CASD1: variants seen among roughly 807,000 people sequenced by gnomAD.
CASD1 encodes the protein N-acetylneuraminate (7)9-O-acetyltransferase.
Under a neutral mutation model 100.0 loss-of-function variants are expected in CASD1, and 41 were observed. The observed-to-expected ratio is 0.41, with a 90% CI of 0.32 to 0.53. The LOEUF is 0.53. Ranked by LOEUF, CASD1 falls within the 20% of genes least tolerant of loss-of-function variation. The pLI is 0.25. For synonymous variants in CASD1, 321 were observed against 315.6 expected (o/e 1.02, Z -0.18); for missense variants, 774 against 948.7 (o/e 0.82, Z 2.42).
At chr7:94,585,602 G>A in the CASD1 span, 1 of 855,514 alleles carries the variant, frequency 1.2e-6, no homozygotes, top group Non-Finnish European at 2.0e-6. Context: ...ATGGCAAGGA[G>A]AAAGTTTCCA....
At chr7:94,539,419 A>G (rs1795275222) in intron 10 of CASD1, among the ~76,000 whole-genome samples, 1 of 152,174 alleles carries the variant, frequency 6.6e-6, no homozygotes, top group Non-Finnish European at 1.5e-5. Flanking sequence ...CTGTAATCCT[A>G]GCACTTTCGG....
the CASD1 span, chr7:94,585,453 T>C: frequency 6.4e-7 from 1 of 1,560,506 alleles, no homozygotes; most frequent in South Asian, 1.1e-5. Flanking sequence ...ATGTAACTGC[T>C]ATATTGTCTG....
At position 94,537,762 on chromosome 7, in the gene CASD1, G is replaced by A. The variant is rs1216030886; in HGVS notation, c.1134G>A (p.Met378Ile). ...CTTTCTGCAAACTTGGCCTGATTAT[G>A]GCATATTTCTATATGTGTGACCGTG... ...LQSFCKLGLI[M>I]AYFYMCDRAN... The change falls in exon 9 of 18, where the codon ATG becomes ATA. Residue 378 changes from methionine (M) to isoleucine (I), a missense_variant. By Grantham distance (10) the Met-to-Ile change is conservative. Transcript: ENST00000297273. 1.2e-6 allele frequency: 2 copies of A among 1,613,482 alleles called. No individual in the cohort carries two copies. Among genetic ancestry groups the A allele is most frequent in the Non-Finnish European group, 1.7e-6 (2 of 1,179,814 alleles).
In CASD1 at chr7:94,510,011, G is replaced by A. The variant is rs1041911597; in HGVS notation, c.-74G>A. ...CCGCTCCTCGCCTGGCTGCAGCGGCGGCAGCCCCAGTGCTGCCCCTGTGCG... is the reference window on the plus strand; with the variant it reads ...CCGCTCCTCGCCTGGCTGCAGCGGCAGCAGCCCCAGTGCTGCCCCTGTGCG... On this transcript the variant is annotated 5_prime_UTR_variant, in exon 1 of 18. Transcript: ENST00000297273. 3.0e-4 allele frequency: 399 copies of A among 1,310,046 alleles called. No homozygotes were observed. The highest frequency in any genetic ancestry group is 3.8e-4 in the Non-Finnish European group (387 of 1,015,816). The allele number at this position is 1,310,046 out of a possible 1,614,324, so 81.2% of individuals were successfully genotyped here. A position where few individuals can be genotyped will look rare whatever the true frequency, so the allele number is the denominator to read the frequency against.
the CASD1 span, chr7:94,588,614 T>C: frequency 1.9e-6 from 3 of 1,554,624 alleles, no homozygotes; most frequent in Admixed American, 5.1e-5. Context: ...GCTTCATAAA[T>C]TATATAGTGC....
the CASD1 span, chr7:94,603,367 G>T: frequency 1.2e-6 from 2 of 1,612,428 alleles, no homozygotes; most frequent in African/African-American, 2.7e-5. Context: ...TCCATTTCTT[G>T]ACTACATCTC....
the CASD1 span, chr7:94,587,387 C>G: frequency 2.7e-6 from 3 of 1,092,602 alleles, no homozygotes; most frequent in South Asian, 1.3e-4. Flanking sequence ...TTGCCTGCTT[C>G]CTACTCACTC....
the CASD1 span, among the ~76,000 whole-genome samples, chr7:94,632,265 C>T: frequency 6.6e-6 from 1 of 151,926 alleles, no homozygotes; most frequent in African/African-American, 2.4e-5. Context: ...CTCCACAGGT[C>T]CTGAAGTGGA....
chr7:94,532,948 T>A (rs796384043), intron 5 of CASD1, among the ~76,000 whole-genome samples: 6 of 152,292 alleles, frequency 3.9e-5, no homozygotes, highest in African/African-American at 1.4e-4. Flanking sequence ...GTGCTTTTTT[T>A]TAAGAACACC....
At chr7:94,525,801 A>G (rs1406124508) in intron 3 of CASD1, among the ~76,000 whole-genome samples, 2 of 152,228 alleles carry the variant, frequency 1.3e-5, no homozygotes, top group African/African-American at 4.8e-5. Flanking sequence ...AAGAATCTAA[A>G]AAGTTAACCT....
intron 5 of CASD1, among the ~76,000 whole-genome samples, chr7:94,531,221 A>G (rs1010174273): frequency 6.6e-6 from 1 of 152,066 alleles, no homozygotes; most frequent in African/African-American, 2.4e-5. Context: ...GACAAGATTG[A>G]TACTATGAGA....
the CASD1 span, chr7:94,629,632 G>T: frequency 3.4e-6 from 4 of 1,172,914 alleles, 1 homozygote; most frequent in Non-Finnish European, 5.1e-6. Context: ...TAATGTTAAT[G>T]ATATTTTATC....
chr7:94,594,470 A>G, the CASD1 span: 2 of 152,110 alleles, frequency 1.3e-5, no homozygotes, highest in Non-Finnish European at 2.9e-5. Flanking sequence ...GTCATGGGAC[A>G]CAAGAAAGGT....
At chr7:94,521,162 G>A (rs965696925) in intron 3 of CASD1, among the ~76,000 whole-genome samples, 1 of 152,074 alleles carries the variant, frequency 6.6e-6, no homozygotes, top group Non-Finnish European at 1.5e-5. Context: ...TATACCTGGG[G>A]TTAAAATTTC....
the CASD1 span, among the ~76,000 whole-genome samples, chr7:94,564,131 T>C: frequency 4.8e-3 from 724 of 152,312 alleles, 6 homozygotes; most frequent in African/African-American, 0.016. Context: ...GTCTCTTTCA[T>C]GTGAATGCAC....
At chr7:94,607,706 C>T in the CASD1 span, among the ~76,000 whole-genome samples, 7 of 152,262 alleles carry the variant, frequency 4.6e-5, no homozygotes, top group South Asian at 1.4e-3. Flanking sequence ...AGTTTTCCTA[C>T]TAGTATCAGG....
In CASD1 at chr7:94,533,819, GA is replaced by G; in HGVS notation, c.628+23del. 2.6e-6 allele frequency: 4 copies of G among 1,525,490 alleles called. No individual in the cohort carries two copies. The highest frequency in any genetic ancestry group is 2.6e-5 in the South Asian group (2 of 75,608). 94.5% of individuals were successfully genotyped at this position (1,525,490 alleles called of 1,614,324 possible). On this transcript the variant is annotated intron_variant, in intron 7 of 17. Transcript: ENST00000297273. ...TCTTACAAGGTAAGGAATGAGTAAT[GA>G]AAAAATGTCACTTTGTGTATATTTT...
At chr7:94,565,773 A>C in the CASD1 span, among the ~76,000 whole-genome samples, 1 of 152,128 alleles carries the variant, frequency 6.6e-6, no homozygotes, top group Non-Finnish European at 1.5e-5. Flanking sequence ...ACATTCTCAG[A>C]CCATTCCAGG....
At chr7:94,554,689 T>C in intron 17 of CASD1, 114 bp downstream of exon 17, 1 of 574,080 alleles carries the variant, frequency 1.7e-6, no homozygotes, top group Non-Finnish European at 3.0e-6. Flanking sequence ...TCGGACGTAC[T>C]TTTTTCTAAA....
Sources: allele counts gnomAD v4.1 joint callset (sites outside exome capture counted in the v4.1 genomes callset), GRCh38; gene constraint gnomAD v4.1.1; transcripts MANE v1.5; gene names NCBI Gene and HGNC (gene_info 2026-07-23, HGNC 2026-07-21).